Variants in SPAG16 observed in about 807,000 individuals in gnomAD.
SPAG16 encodes the protein sperm associated antigen 16.
Under a neutral mutation model 80.4 loss-of-function variants are expected in SPAG16, and 86 were observed. The ratio of observed to expected loss-of-function variants is 1.07; its 90% CI spans 0.90 to 1.28. The LOEUF (loss-of-function observed/expected upper bound fraction) is 1.28, where lower values mean the gene tolerates loss of function less well. SPAG16 is among the 50% of genes most tolerant of loss of function. The probability of loss-of-function intolerance (pLI) is 0.00; values close to 1 mark genes in which losing one functional copy is unlikely to be tolerated. For synonymous variants in SPAG16, 294 were observed against 265.9 expected, an observed-to-expected ratio of 1.11 and a Z score of -1.03; for missense variants, 870 against 765.3, an observed-to-expected ratio of 1.14 and a Z score of -1.61.
intron 13 of SPAG16, among the ~76,000 whole-genome samples, chr2:214,092,490 T>C (rs936587272): frequency 3.5e-5 from 5 of 143,908 alleles, no homozygotes; most frequent in Non-Finnish European, 6.1e-5. Context: ...TCTGTGTTAC[T>C]ATGAATATAT....
At chr2:213,715,755 TG>T (rs1023180523) in intron 10 of SPAG16, among the ~76,000 whole-genome samples, 7 of 152,204 alleles carry the variant, frequency 4.6e-5, no homozygotes, top group African/African-American at 1.7e-4. Flanking sequence ...CAAAGCACAC[TG>T]TTTTCCTCAG....
At chr2:213,295,349 G>A (rs930562694) in intron 1 of SPAG16, among the ~76,000 whole-genome samples, 1 of 151,982 alleles carries the variant, frequency 6.6e-6, no homozygotes, top group African/African-American at 2.4e-5. Flanking sequence ...GTTTTTGAAA[G>A]TCTTAAAGCA....
At chr2:213,854,227 A>G (rs1029843593) in intron 10 of SPAG16, among the ~76,000 whole-genome samples, 3 of 152,212 alleles carry the variant, frequency 2.0e-5, no homozygotes, top group Non-Finnish European at 2.9e-5. Context: ...TACAGTTTTA[A>G]GTAGGGAATG....
chr2:213,372,283 T>C (rs2066681878), intron 8 of SPAG16, among the ~76,000 whole-genome samples: 2 of 152,116 alleles, frequency 1.3e-5, no homozygotes, highest in Admixed American at 6.5e-5. Context: ...TGCATTTTAG[T>C]ATATCTTATA....
At chr2:214,179,826 A>G (rs2057252270) in intron 15 of SPAG16, among the ~76,000 whole-genome samples, 1 of 151,536 alleles carries the variant, frequency 6.6e-6, no homozygotes, top group Admixed American at 6.6e-5. Context: ...TTAATTTCAA[A>G]TCATACTGAA....
At chr2:214,254,583 A>T (rs1690547081) in intron 15 of SPAG16, among the ~76,000 whole-genome samples, 1 of 152,066 alleles carries the variant, frequency 6.6e-6, no homozygotes, top group African/African-American at 2.4e-5. Flanking sequence ...GAATAGCCAA[A>T]TTAGGAAAAA....
intron 10 of SPAG16, among the ~76,000 whole-genome samples, chr2:213,700,755 C>T (rs543227935): frequency 1.3e-5 from 2 of 152,264 alleles, no homozygotes; most frequent in East Asian, 1.9e-4. Context: ...ACAAAGGTCC[C>T]TTTCATTACC....
At chr2:214,377,131 C>T (rs1700176054) in intron 15 of SPAG16, among the ~76,000 whole-genome samples, 1 of 152,138 alleles carries the variant, frequency 6.6e-6, no homozygotes, top group African/African-American at 2.4e-5. Context: ...TGTGAGTTTC[C>T]ACTTAAAACA....
chr2:213,620,185 G>A (rs943918219), intron 10 of SPAG16, among the ~76,000 whole-genome samples: 1 of 151,652 alleles, frequency 6.6e-6, no homozygotes, highest in Non-Finnish European at 1.5e-5. Context: ...AGAAAAAAAG[G>A]TTGGTCCATG....
intron 11 of SPAG16, among the ~76,000 whole-genome samples, chr2:213,895,430 T>C (rs898610225): frequency 6.6e-6 from 1 of 152,100 alleles, no homozygotes; most frequent in Non-Finnish European, 1.5e-5. Context: ...ATAAAATTCC[T>C]ATGGAACTAA....
intron 8 of SPAG16, among the ~76,000 whole-genome samples, chr2:213,372,446 T>C (rs987792303): frequency 6.6e-6 from 1 of 152,152 alleles, no homozygotes; most frequent in Non-Finnish European, 1.5e-5. Context: ...TACTTCAAAA[T>C]TAATAGTAGA....
At chr2:213,515,874 A>C (rs1297530438) in intron 10 of SPAG16, among the ~76,000 whole-genome samples, 1 of 152,148 alleles carries the variant, frequency 6.6e-6, no homozygotes, top group South Asian at 2.1e-4. Flanking sequence ...GTGTGTCTAG[A>C]CAGATACCAT....
chr2:214,226,286 A>G (rs940902420), intron 15 of SPAG16, among the ~76,000 whole-genome samples: 1 of 152,062 alleles, frequency 6.6e-6, no homozygotes, highest in Non-Finnish European at 1.5e-5. Context: ...GTGAAAGTAC[A>G]TGGGACAAAG....
intron 9 of SPAG16, among the ~76,000 whole-genome samples, chr2:213,451,815 C>T (rs1352713012): frequency 2.6e-5 from 4 of 152,100 alleles, no homozygotes; most frequent in South Asian, 2.1e-4. Flanking sequence ...CAGGCCGACT[C>T]TTAGTTTGTG....
chr2:214,100,659 A>G lies in SPAG16; in HGVS notation c.1528-7537A>G, dbSNP rs116807835. Among the ~76,000 whole-genome samples the G allele has an allele frequency of 9.6e-3, 1,467 of 152,128 alleles. 12 individuals are homozygous for G. Among genetic ancestry groups the G allele is most frequent in the Non-Finnish European group, 0.016 (1,111 of 67,974 alleles). On this transcript the variant is annotated intron_variant, in intron 13 of 15. Transcript: ENST00000331683. ...ATTTCGTTTTCTGTTCCTTGTTGCT[A>G]TGTTAGTTCACTTAAGATAATGACC...
intron 10 of SPAG16, among the ~76,000 whole-genome samples, chr2:213,655,824 G>A (rs558685877): frequency 6.6e-6 from 1 of 152,070 alleles, no homozygotes; most frequent in Admixed American, 6.5e-5. Context: ...AAAATGAATA[G>A]AACTTAATTG....
At chr2:213,307,038 C>A (rs1309109661) in intron 3 of SPAG16, among the ~76,000 whole-genome samples, 1 of 152,154 alleles carries the variant, frequency 6.6e-6, no homozygotes, top group Non-Finnish European at 1.5e-5. Context: ...GAACTGCCTC[C>A]TTCCAAATTA....
chr2:214,023,072 C>A (rs1263255514), intron 13 of SPAG16, among the ~76,000 whole-genome samples: 2 of 151,860 alleles, frequency 1.3e-5, no homozygotes, highest in African/African-American at 4.8e-5. Context: ...CTCAATTATC[C>A]CATTTTATTA....
intron 15 of SPAG16, among the ~76,000 whole-genome samples, chr2:214,199,432 G>T (rs1203351131): frequency 2.0e-5 from 3 of 151,962 alleles, no homozygotes; most frequent in Admixed American, 6.6e-5. Context: ...GCTTATTTCT[G>T]GGTTCTCTAT....
Sources: allele counts gnomAD v4.1 joint callset (sites outside exome capture counted in the v4.1 genomes callset), GRCh38; gene constraint gnomAD v4.1.1; transcripts MANE v1.5; gene names NCBI Gene and HGNC (gene_info 2026-07-23, HGNC 2026-07-21).